ACSS3: variants seen among roughly 807,000 people sequenced by gnomAD.
ACSS3 encodes acyl-CoA synthetase short chain family member 3.
ACSS3 carries 64 observed loss-of-function variants against 84.2 expected under a neutral mutation model. The ratio of observed to expected loss-of-function variants is 0.76; its 90% CI spans 0.62 to 0.94. The LOEUF (loss-of-function observed/expected upper bound fraction) is 0.94. Ranked by LOEUF, ACSS3 falls within the 40% of genes least tolerant of loss-of-function variation. The pLI, the probability that ACSS3 is intolerant of heterozygous loss-of-function variation, is 0.00. For synonymous variants in ACSS3, 317 were observed against 310.1 expected (o/e 1.02, Z -0.23); for missense variants, 815 against 867.6 (o/e 0.94, Z 0.76).
At chr12:81,102,003 C>T (rs1882546067) in intron 1 of ACSS3, among the ~76,000 whole-genome samples, 1 of 151,856 alleles carries the variant, frequency 6.6e-6, no homozygotes, top group South Asian at 2.1e-4. Flanking sequence ...AATATGCTCT[C>T]CCCATACCCT....
chr12:81,145,067 ATTTTTTTTTTT>A (rs35753293), intron 5 of ACSS3, among the ~76,000 whole-genome samples: 3 of 100,912 alleles, frequency 3.0e-5, no homozygotes, highest in African/African-American at 7.9e-5. Flanking sequence ...CGCCTGGCTA[ATTTTTTTTTTT>A]TTTTTTTTTT....
intron 8 of ACSS3, among the ~76,000 whole-genome samples, chr12:81,190,766 G>A (rs986905103): frequency 1.3e-5 from 2 of 151,896 alleles, no homozygotes; most frequent in Admixed American, 1.3e-4. Flanking sequence ...TTGGAGAAAA[G>A]CTATCAAATT....
chr12:81,200,516 G>A (rs879256908), intron 9 of ACSS3, among the ~76,000 whole-genome samples: 10 of 152,176 alleles, frequency 6.6e-5, no homozygotes, highest in Non-Finnish European at 1.5e-4. Flanking sequence ...AGCCTGAAAT[G>A]CAGTGTTTGA....
chr12:81,213,955 CTCTCTTTCTTTCTT>C (rs1160366958), intron 9 of ACSS3, among the ~76,000 whole-genome samples: 2 of 34,052 alleles, frequency 5.9e-5, no homozygotes, highest in African/African-American at 1.5e-4. Context: ...CTCTCCCTCT[CTCTCTTTCTTTCTT>C]TCTTTCTTTC....
intron 7 of ACSS3, among the ~76,000 whole-genome samples, chr12:81,162,976 G>A (rs1371295837): frequency 6.6e-6 from 1 of 152,100 alleles, no homozygotes; most frequent in African/African-American, 2.4e-5. Flanking sequence ...CCTGTGTGGG[G>A]ACAGGGGCTT....
intron 2 of ACSS3, among the ~76,000 whole-genome samples, chr12:81,114,980 A>C (rs2121520828): frequency 6.6e-6 from 1 of 152,208 alleles, no homozygotes; most frequent in African/African-American, 2.4e-5. Context: ...TTTGAACTTT[A>C]TACAAATTGA....
chr12:81,219,681 T>G (rs2033037712), intron 10 of ACSS3, among the ~76,000 whole-genome samples: 1 of 152,102 alleles, frequency 6.6e-6, no homozygotes, highest in African/African-American at 2.4e-5. Flanking sequence ...CTTTACTTTT[T>G]AAAAAGCTGA....
chr12:81,128,057 T>G (rs894401625), intron 2 of ACSS3, among the ~76,000 whole-genome samples: 12 of 152,168 alleles, frequency 7.9e-5, no homozygotes, highest in African/African-American at 2.7e-4. Context: ...AAGCTTTTAC[T>G]TCTGTCTGAT....
intron 8 of ACSS3, among the ~76,000 whole-genome samples, chr12:81,194,462 C>G (rs1261613206): frequency 6.6e-6 from 1 of 151,708 alleles, no homozygotes; most frequent in Non-Finnish European, 1.5e-5. Context: ...AGAAGTCATC[C>G]GTAAAGTCTT....
At chr12:81,122,050 A>T (rs7303467) in intron 2 of ACSS3, among the ~76,000 whole-genome samples, 6 of 151,342 alleles carry the variant, frequency 4.0e-5, no homozygotes, top group East Asian at 2.0e-4. Context: ...CTCCTGCCTC[A>T]GCCTCCAGAG....
intron 1 of ACSS3, among the ~76,000 whole-genome samples, chr12:81,103,456 G>A (rs771732589): frequency 7.2e-5 from 11 of 152,132 alleles, no homozygotes; most frequent in African/African-American, 1.7e-4. Flanking sequence ...TAAGAAACTT[G>A]TCATAGTAGA....
At chr12:81,194,722 A>G (rs1436871157) in intron 8 of ACSS3, among the ~76,000 whole-genome samples, 1 of 152,038 alleles carries the variant, frequency 6.6e-6, no homozygotes, top group Non-Finnish European at 1.5e-5. Flanking sequence ...GCAAAAACAC[A>G]GTAATAAATA....
chr12:81,163,494 A>G (rs1005482664), intron 7 of ACSS3, among the ~76,000 whole-genome samples: 5 of 152,354 alleles, frequency 3.3e-5, no homozygotes, highest in Middle Eastern at 3.4e-3. Context: ...GCTGGTTTGT[A>G]TATTTACTAT....
At chr12:81,190,731 T>G (rs747754931) in intron 8 of ACSS3, among the ~76,000 whole-genome samples, 12 of 152,004 alleles carry the variant, frequency 7.9e-5, no homozygotes, top group Admixed American at 2.6e-4. Context: ...ATTTTAGCGT[T>G]TTTTGTTATT....
Position 81,078,146 on chromosome 12 carries a change from G to A in ACSS3, c.26G>A (p.Arg9His), listed in dbSNP as rs778645453. MKPSWLQC[R>H]KVTSAGGLGG... ...ATGAAACCGTCTTGGCTGCAGTGTC[G>A]TAAAGTCACCAGCGCCGGGGGGCTC... The change falls in exon 1 of 16, where the codon CGT (arginine) becomes CAT (histidine). Residue 9 changes from arginine to histidine, a missense_variant. Transcript: ENST00000548058. The A allele has an allele frequency of 2.0e-6, 3 of 1,506,014 alleles. No homozygotes were observed. Among genetic ancestry groups the A allele is most frequent in the African/African-American group, 1.4e-5 (1 of 70,688 alleles). The allele number at this position is 1,506,014 out of a possible 1,614,324, so 93.3% of individuals were successfully genotyped here.
At chr12:81,096,244 A>G (rs537020044) in intron 1 of ACSS3, among the ~76,000 whole-genome samples, 1 of 152,332 alleles carries the variant, frequency 6.6e-6, no homozygotes, top group South Asian at 2.1e-4. Flanking sequence ...AGAAAGTGTC[A>G]GGAGAGAATT....
Position 81,217,012 on chromosome 12 carries a change from GATAATACGTAAAGTT to G in ACSS3, c.1450+18_1450+32del. ...GGATACAATGGTAAGGAATGACCCTGATAATACGTAAAGTTAATAAATTTGGCATTTTCTTGCATC... is the reference window on the plus strand; with the variant it reads ...GGATACAATGGTAAGGAATGACCCTGAATAAATTTGGCATTTTCTTGCATC... On this transcript the variant is annotated intron_variant, in intron 10 of 15. Coordinates refer to ENST00000548058, the MANE Select transcript of ACSS3 (RefSeq NM_024560.4). 1 of 1,589,418 alleles carries G rather than the reference GATAATACGTAAAGTT, an allele frequency of 6.3e-7. No individual in the cohort carries two copies. Among genetic ancestry groups the G allele is most frequent in the Non-Finnish European group, 8.6e-7 (1 of 1,159,270 alleles).
chr12:81,219,813 C>T (rs983436016), intron 10 of ACSS3, among the ~76,000 whole-genome samples, 200 bp from the exon 11 acceptor site: 1 of 151,906 alleles, frequency 6.6e-6, no homozygotes, highest in Non-Finnish European at 1.5e-5. Context: ...AGGAAAATTT[C>T]TGATGTTATT....
rs1430606838 is a variant in ACSS3, at chr12:81,148,757, GGTAGA to G, written c.922-3083_922-3079del. Among the ~76,000 whole-genome samples, 4 of 151,856 alleles carry G rather than the reference GGTAGA, an allele frequency of 2.6e-5. No homozygotes were observed. The East Asian group carries it at 7.7e-4, about 29-fold the overall frequency. On this transcript the variant is annotated intron_variant, in intron 5 of 15. Coordinates refer to ENST00000548058, the MANE Select transcript of ACSS3 (RefSeq NM_024560.4). ...ATCTAGTGACTTTACTTTTAAGGTA[GGTAGA>G]GTATAAGTACATAGAGAGGCCAGGC...
Sources: gnomAD v4.1 joint callset for allele counts (sites outside exome capture counted in the v4.1 genomes callset) on GRCh38, gnomAD v4.1.1 for gene constraint, MANE v1.5 for transcripts, NCBI Gene and HGNC (gene_info 2026-07-23, HGNC 2026-07-21) for gene names.